The following XRCC2 variants were observed in gnomAD, a reference collection of about 807,000 sequenced individuals.
XRCC2 encodes the protein X-ray repair cross complementing 2.
Under a neutral mutation model 27.3 loss-of-function variants are expected in XRCC2, and 24 were observed. That is an observed-to-expected ratio of 0.88 (90% CI 0.64 to 1.24). The LOEUF is 1.24. Among genes scored for constraint, XRCC2 ranks in the 50% most tolerant of loss-of-function variants. The probability of loss-of-function intolerance (pLI) is 0.00; values close to 1 mark genes in which losing one functional copy is unlikely to be tolerated. For synonymous variants in XRCC2, 106 were observed against 115.4 expected (o/e 0.92, Z 0.52); for missense variants, 321 against 325.8 (o/e 0.99, Z 0.11).
At chr7:152,654,871 T>C (rs2116993862) in intron 2 of XRCC2, among the ~76,000 whole-genome samples, 1 of 152,386 alleles carries the variant, frequency 6.6e-6, no homozygotes, top group South Asian at 2.1e-4. Flanking sequence ...ATTAAGGTCC[T>C]TGAACTAAAT....
intron 1 of XRCC2, 134 bp downstream of exon 1, chr7:152,675,907 A>G (rs2098040843): frequency 8.3e-7 from 1 of 1,199,530 alleles, no homozygotes; most frequent in African/African-American, 1.5e-5. Context: ...GCGGGCGTCT[A>G]GGCCGAGAGG....
intron 1 of XRCC2, among the ~76,000 whole-genome samples, chr7:152,666,083 T>TA (rs3218439): frequency 0.95 from 144,310 of 152,296 alleles, 68,425 homozygotes; most frequent in Admixed American, 0.96. Flanking sequence ...AAAATACAGC[T>TA]TTTTTCATAA....
intron 1 of XRCC2, among the ~76,000 whole-genome samples, chr7:152,661,791 C>G (rs1029423): frequency 1 from 152,295 of 152,296 alleles, 76,147 homozygotes; most frequent in Non-Finnish European, 1. Flanking sequence ...ACACTAAGCA[C>G]TGAGAAGTAT....
chr7:152,670,845 C>T (rs1286128311), intron 1 of XRCC2, among the ~76,000 whole-genome samples: 3 of 152,224 alleles, frequency 2.0e-5, no homozygotes, highest in African/African-American at 7.2e-5. Context: ...CCCACCTCAG[C>T]CTCCCAAAGT....
intron 2 of XRCC2, among the ~76,000 whole-genome samples, chr7:152,657,960 G>GTTT (rs200730687): frequency 7.3e-6 from 1 of 136,230 alleles, no homozygotes. Context: ...TTTTGTCTTT[G>GTTT]TTTTTTTTTT....
intron 2 of XRCC2, among the ~76,000 whole-genome samples, chr7:152,655,005 C>CAAG: frequency 6.6e-6 from 1 of 152,248 alleles, no homozygotes; most frequent in South Asian, 2.1e-4. Flanking sequence ...GGACATCATC[C>CAAG]TTTTCAATGT....
At chr7:152,666,014 A>G (rs2098035470) in intron 1 of XRCC2, among the ~76,000 whole-genome samples, 2 of 152,224 alleles carry the variant, frequency 1.3e-5, no homozygotes, top group African/African-American at 4.8e-5. Context: ...ATTAAGCCAG[A>G]TATTAAAAAG....
At position 152,646,301 on chromosome 7, in the gene XRCC2, G is replaced by GGTGGGTGGGTGT. The variant is rs796735791; in HGVS notation, c.*2340_*2341insACACCCACCCAC. 2 of 149,076 alleles carry GGTGGGTGGGTGT rather than the reference G, an allele frequency of 1.3e-5. No homozygotes were observed. The highest frequency in any genetic ancestry group is 4.9e-5 in the African/African-American group (2 of 40,510). 9.2% of individuals were successfully genotyped at this position (149,076 alleles called of 1,614,324 possible). On this transcript the variant is annotated 3_prime_UTR_variant, in exon 3 of 3. Transcript: ENST00000359321. ...GCCACGTATTCTAAGTCTGTGAGAG[G>GGTGGGTGGGTGT]GTGTGTGTGTGTGTGTGTGTGTGTG...
Position 152,645,642 on chromosome 7 carries a change from T to C in XRCC2, c.*3000A>G, listed in dbSNP as rs1294613356. ...TACTGTGTTGACACTTTCAGTACAA[T>C]GTTGAATACAAGTAGTAATAGCAGG... On this transcript the variant is annotated 3_prime_UTR_variant, in exon 3 of 3. Transcript: ENST00000359321. The C allele has an allele frequency of 2.6e-5, 4 of 152,244 alleles. No individual in the cohort carries two copies. The highest frequency in any genetic ancestry group is 7.2e-5 in the African/African-American group (3 of 41,474). The allele number at this position is 152,244 out of a possible 1,614,324, so 9.4% of individuals were successfully genotyped here.
In XRCC2 at chr7:152,644,871, C is replaced by T. The variant is rs2098025047; in HGVS notation, c.*3771G>A. The stretch of plus-strand genomic sequence containing the variant: ...GTCAAATCCTGGAAAATGTAGTATT[C>T]CTACACGTGATGTTAACATCGTTCT... On this transcript the variant is annotated 3_prime_UTR_variant, in exon 3 of 3. Transcript: ENST00000359321. 1 of 152,140 alleles carries T rather than the reference C, an allele frequency of 6.6e-6. No individual in the cohort carries two copies. The highest frequency in any genetic ancestry group is 2.1e-4 in the South Asian group (1 of 4,830). 9.4% of individuals were successfully genotyped at this position (152,140 alleles called of 1,614,324 possible).
intron 1 of XRCC2, among the ~76,000 whole-genome samples, chr7:152,662,930 AAAGTT>A (rs1303644346): frequency 6.6e-6 from 1 of 152,116 alleles, no homozygotes; most frequent in Non-Finnish European, 1.5e-5. Flanking sequence ...AAGTGATGAA[AAAGTT>A]CTATGCATTA....
intron 1 of XRCC2, among the ~76,000 whole-genome samples, chr7:152,662,456 A>G (rs1482033797): frequency 6.6e-6 from 1 of 152,056 alleles, no homozygotes; most frequent in Non-Finnish European, 1.5e-5. Context: ...AAGGGAGACA[A>G]AACTGATTCT....
rs1041838143 is a variant in XRCC2 at position 152,648,461 on chromosome 7, C to T, written c.*181G>A. 1 of 545,170 alleles carries T rather than the reference C, an allele frequency of 1.8e-6. No homozygotes were observed. The highest frequency in any genetic ancestry group is 3.0e-6 in the Non-Finnish European group (1 of 337,150). The allele number at this position is 545,170 out of a possible 1,614,324, so 33.8% of individuals were successfully genotyped here. Reference sequence around the variant, plus strand: ...TTTGGCCACGAGCAGTGGCTCACGCCTGTAATCCCTGCACTCTAGGAGGCA... The same window carrying T: ...TTTGGCCACGAGCAGTGGCTCACGCTTGTAATCCCTGCACTCTAGGAGGCA... On this transcript the variant is annotated 3_prime_UTR_variant, in exon 3 of 3. Coordinates refer to ENST00000359321, the MANE Select transcript of XRCC2 (RefSeq NM_005431.2).
intron 1 of XRCC2, among the ~76,000 whole-genome samples, chr7:152,668,914 T>TA (rs1342900826): frequency 6.6e-6 from 1 of 152,210 alleles, no homozygotes; most frequent in East Asian, 1.9e-4. Flanking sequence ...CCCTATTTGT[T>TA]ACTATTGTAT....
rs983069547 is a variant in XRCC2, at chr7:152,645,320, C to T, written c.*3322G>A. On this transcript the variant is annotated 3_prime_UTR_variant, in exon 3 of 3. Coordinates refer to ENST00000359321, the MANE Select transcript of XRCC2 (RefSeq NM_005431.2). ...AGGGTCTTACACTATGTTGCCCAGGCTGGTCTTGAACTCCTAGGACTCAAG... is the reference window on the plus strand; with the variant it reads ...AGGGTCTTACACTATGTTGCCCAGGTTGGTCTTGAACTCCTAGGACTCAAG... The T allele has an allele frequency of 2.6e-5, 4 of 151,968 alleles. No individual in the cohort carries two copies. The highest frequency in any genetic ancestry group is 5.9e-5 in the Non-Finnish European group (4 of 67,984). The allele number at this position is 151,968 out of a possible 1,614,324, so 9.4% of individuals were successfully genotyped here. A position where few individuals can be genotyped will look rare whatever the true frequency, so the allele number is the denominator to read the frequency against.
chr7:152,675,652 C>T (rs1352004824), intron 1 of XRCC2, among the ~76,000 whole-genome samples: 2 of 152,204 alleles, frequency 1.3e-5, no homozygotes, highest in Admixed American at 1.3e-4. Flanking sequence ...CGGGCGACCC[C>T]TCCCCTTTTC....
At chr7:152,658,738 C>T (rs1351293301) in intron 2 of XRCC2, among the ~76,000 whole-genome samples, 5 of 152,358 alleles carry the variant, frequency 3.3e-5, no homozygotes, top group South Asian at 2.1e-4. Flanking sequence ...GGTTCATCCA[C>T]GTTGTAGCAC....
intron 1 of XRCC2, among the ~76,000 whole-genome samples, chr7:152,675,741 G>A (rs112070047): frequency 6.6e-6 from 1 of 152,308 alleles, no homozygotes; most frequent in Non-Finnish European, 1.5e-5. Flanking sequence ...CTTGGGAGGA[G>A]AGACCTCGTA....
At chr7:152,674,811 A>G (rs1201229895) in intron 1 of XRCC2, among the ~76,000 whole-genome samples, 1 of 136,946 alleles carries the variant, frequency 7.3e-6, no homozygotes, top group Non-Finnish European at 1.5e-5. Context: ...TTATAACTGT[A>G]GCCGTTCTTA....
Sources: allele counts gnomAD v4.1 joint callset (sites outside exome capture counted in the v4.1 genomes callset), GRCh38; gene constraint gnomAD v4.1.1; transcripts MANE v1.5; gene names NCBI Gene and HGNC (gene_info 2026-07-23, HGNC 2026-07-21).